The following CD6 variants were observed in gnomAD, a reference collection of about 807,000 sequenced individuals.
CD6 encodes T-cell differentiation antigen CD6.
In CD6, 53 loss-of-function variants were observed where a neutral mutation model predicts 75.3. The observed-to-expected ratio is 0.70, with a 90% confidence interval of 0.56 to 0.88. The LOEUF (loss-of-function observed/expected upper bound fraction) is 0.88, where lower values mean the gene tolerates loss of function less well. CD6 is among the 40% of genes least tolerant of loss of function. The pLI, the probability that CD6 is intolerant of heterozygous loss-of-function variation, is 0.00. For synonymous variants in CD6, 359 were observed against 381.5 expected, an observed-to-expected ratio of 0.94 and a Z score of 0.69; for missense variants, 770 against 897.1, an observed-to-expected ratio of 0.86 and a Z score of 1.81.
intron 1 of CD6, among the ~76,000 whole-genome samples, chr11:60,983,124 C>G (rs1465975414): frequency 5.3e-5 from 8 of 149,890 alleles, no homozygotes; most frequent in South Asian, 2.1e-4. Flanking sequence ...TTGACGGAGT[C>G]TCACTCTTGT....
At chr11:61,005,181 T>C (rs1348334143) in intron 1 of CD6, among the ~76,000 whole-genome samples, 1 of 152,212 alleles carries the variant, frequency 6.6e-6, no homozygotes, top group African/African-American at 2.4e-5. Flanking sequence ...AGGGGACTTA[T>C]TTACAGAAGA....
At position 61,020,373 on chromosome 11, in the gene CD6, T is replaced by A; in HGVS notation, c.*1055T>A. The stretch of plus-strand genomic sequence containing the variant: ...CCTGAGATTAAACTGAATTGCTGAA[T>A]GAAACCAGGGCGTGGAATGACAATT... On this transcript the variant is annotated 3_prime_UTR_variant, in exon 13 of 13. Coordinates refer to ENST00000313421, the MANE Select transcript of CD6 (RefSeq NM_006725.5). 1 of 398,760 alleles carries A rather than the reference T, an allele frequency of 2.5e-6. No individual in the cohort carries two copies. Among genetic ancestry groups the A allele is most frequent in the Non-Finnish European group, 4.4e-6 (1 of 226,070 alleles). The allele number at this position is 398,760 out of a possible 1,614,324, so 24.7% of individuals were successfully genotyped here.
chr11:60,991,590 A>C (rs1352959837), intron 1 of CD6, among the ~76,000 whole-genome samples: 3 of 152,040 alleles, frequency 2.0e-5, no homozygotes, highest in Non-Finnish European at 4.4e-5. Context: ...ATAGTCATTG[A>C]TTCCACAAGA....
chr11:61,019,037 G>T, intron 12 of CD6: 2 of 484,154 alleles, frequency 4.1e-6, no homozygotes, highest in Non-Finnish European at 3.7e-6. Flanking sequence ...CGTGCAGTGT[G>T]CCATTGTGGA....
At position 61,018,025 on chromosome 11, in the gene CD6, C is replaced by T; in HGVS notation, c.1837+12C>T. Reference sequence around the variant, plus strand: ...GCCAGCCTTTTCAGGTAAGCTGTGCCTCCCCCAAACCCCCATCCCATAGCC... The same window carrying T: ...GCCAGCCTTTTCAGGTAAGCTGTGCTTCCCCCAAACCCCCATCCCATAGCC... On this transcript the variant is annotated intron_variant, in intron 11 of 12. Coordinates refer to ENST00000313421, the MANE Select transcript of CD6 (RefSeq NM_006725.5). 6.2e-7 allele frequency: 1 copy of T among 1,608,900 alleles called. No individual in the cohort carries two copies. Among genetic ancestry groups the T allele is most frequent in the Non-Finnish European group, 8.5e-7 (1 of 1,179,090 alleles).
chr11:61,008,725 G>A lies in CD6; in HGVS notation c.661G>A (p.Gly221Arg), dbSNP rs751671555. The A allele has an allele frequency of 3.1e-6, 5 of 1,608,422 alleles. No homozygotes were observed. Among genetic ancestry groups the A allele is most frequent in the Middle Eastern group, 3.3e-4 (2 of 6,050 alleles). Residue 221 changes from glycine to arginine, a missense_variant, in exon 4 of 13, where the codon GGG becomes AGG. Gly to Arg is a moderately radical substitution (Grantham distance 125, BLOSUM62 -2). Transcript: ENST00000313421. Reference sequence around the variant, plus strand: ...CGGCTTGCACTTCACGCCCGGCCGCGGGCCTATCCACCGGGACCAGGTGAA... The same window carrying A: ...CGGCTTGCACTTCACGCCCGGCCGCAGGCCTATCCACCGGGACCAGGTGAA... The part of the protein sequence containing the change: ...LPGLHFTPGR[G>R]PIHRDQVNCS...
intron 1 of CD6, among the ~76,000 whole-genome samples, chr11:60,988,227 C>T (rs980450260): frequency 7.9e-5 from 12 of 152,200 alleles, no homozygotes; most frequent in East Asian, 5.8e-4. Context: ...ATGAATAAGA[C>T]GGTGCGTGCT....
intron 1 of CD6, among the ~76,000 whole-genome samples, chr11:61,005,168 T>C (rs953578125): frequency 2.0e-5 from 3 of 152,202 alleles, no homozygotes; most frequent in Admixed American, 2.0e-4. Context: ...AATAGGAATT[T>C]AAAGGGGACT....
At position 61,007,844 on chromosome 11, in the gene CD6, C is replaced by A. The variant is rs763829539; in HGVS notation, c.403C>A (p.Arg135=). The A allele has an allele frequency of 3.5e-6, 5 of 1,420,306 alleles. No individual in the cohort carries two copies. Among genetic ancestry groups the A allele is most frequent in the African/African-American group, 1.5e-5 (1 of 67,092 alleles). The allele number at this position is 1,420,306 out of a possible 1,614,324, so 88.0% of individuals were successfully genotyped here. A position where few individuals can be genotyped will look rare whatever the true frequency, so the allele number is the denominator to read the frequency against. Residue 135 remains arginine (R), a synonymous_variant, in exon 3 of 13, where the codon CGG becomes AGG. Coordinates refer to ENST00000313421, the MANE Select transcript of CD6 (RefSeq NM_006725.5). This position sits in a 1 kb window ranked among gnomAD's most constrained non-coding sequence, Gnocchi z 4.2. The stretch of plus-strand genomic sequence containing the variant: ...CCTCCTGTGCAGCGGCGCCGAGTGG[C>A]GGCTCTGCGAGGTGGTGGAGCACGC... ...PALLCSGAEW[R]LCEVVEHACR...
chr11:60,991,560 T>C (rs1004694179), intron 1 of CD6, among the ~76,000 whole-genome samples: 4 of 152,170 alleles, frequency 2.6e-5, no homozygotes, highest in African/African-American at 9.7e-5. Flanking sequence ...CACATATTCA[T>C]CTTTCACGTA....
At position 61,007,959 on chromosome 11, in the gene CD6, C is replaced by G; in HGVS notation, c.469+49C>G. 8.5e-7 allele frequency: 1 copy of G among 1,177,236 alleles called. No individual in the cohort carries two copies. 72.9% of individuals were successfully genotyped at this position (1,177,236 alleles called of 1,614,324 possible). ...GCCCCCACCTGCCCCACTCCCCAGGCCTTCAGCCACTGCCCCTGGCTCCAG... is the reference window on the plus strand; with the variant it reads ...GCCCCCACCTGCCCCACTCCCCAGGGCTTCAGCCACTGCCCCTGGCTCCAG... On this transcript the variant is annotated intron_variant, in intron 3 of 12. Coordinates refer to ENST00000313421, the MANE Select transcript of CD6 (RefSeq NM_006725.5). The surrounding 1 kb of genome is among the most constrained non-coding windows in gnomAD (Gnocchi z 4.2).
intron 1 of CD6, among the ~76,000 whole-genome samples, chr11:60,997,319 G>A (rs575879321): frequency 8.0e-5 from 12 of 150,932 alleles, no homozygotes; most frequent in African/African-American, 2.7e-4. Context: ...TGGAGGTTGC[G>A]GTGAGCCCAA....
At chr11:61,003,310 G>A (rs974611704) in intron 1 of CD6, among the ~76,000 whole-genome samples, 1 of 152,170 alleles carries the variant, frequency 6.6e-6, no homozygotes, top group Non-Finnish European at 1.5e-5. Flanking sequence ...GGTCATTGGG[G>A]GATTAAATTT....
At chr11:61,016,194 C>A (rs1265854063) in intron 9 of CD6, among the ~76,000 whole-genome samples, 1 of 152,118 alleles carries the variant, frequency 6.6e-6, no homozygotes, top group African/African-American at 2.4e-5. Flanking sequence ...TTCTCGCATG[C>A]CATATCCCTC....
At chr11:61,008,343 C>T in intron 3 of CD6, 191 bp from the exon 4 acceptor site, 1 of 592,416 alleles carries the variant, frequency 1.7e-6, no homozygotes. Flanking sequence ...GGTCTCTGGT[C>T]CCTCCCACCA....
chr11:60,981,877 TG>T (rs1857571996), intron 1 of CD6, among the ~76,000 whole-genome samples: 2 of 151,986 alleles, frequency 1.3e-5, no homozygotes, highest in Admixed American at 1.3e-4. Flanking sequence ...GATAGGGAGA[TG>T]GCCCTGTCAT....
intron 3 of CD6, 59 bp from the exon 4 acceptor site, chr11:61,008,475 C>T: frequency 2.1e-6 from 3 of 1,460,044 alleles, no homozygotes; most frequent in South Asian, 1.4e-5. Flanking sequence ...CCAACCATCA[C>T]CCCAACCCTC....
intron 1 of CD6, among the ~76,000 whole-genome samples, chr11:60,980,224 G>A (rs1857509421): frequency 6.6e-6 from 1 of 152,076 alleles, no homozygotes; most frequent in Admixed American, 6.5e-5. Flanking sequence ...AAGTTAAGGG[G>A]GAAAAAAGGA....
chr11:60,975,358 G>A (rs922236911), intron 1 of CD6, among the ~76,000 whole-genome samples: 2 of 152,154 alleles, frequency 1.3e-5, no homozygotes, highest in Non-Finnish European at 2.9e-5. Flanking sequence ...TATGCAACAG[G>A]TTTTGAAGAT....
Sources: allele counts gnomAD v4.1 joint callset (sites outside exome capture counted in the v4.1 genomes callset), GRCh38; gene constraint gnomAD v4.1.1; non-coding constraint Gnocchi (gnomAD v3.1); transcripts MANE v1.5; gene names NCBI Gene and HGNC (gene_info 2026-07-23, HGNC 2026-07-21).